ADCY3: variants seen among roughly 807,000 people sequenced by gnomAD.
The protein encoded by ADCY3 is adenylate cyclase type 3.
Under a neutral mutation model 119.4 loss-of-function variants are expected in ADCY3, and 70 were observed. The observed-to-expected ratio is 0.59, with a 90% CI of 0.48 to 0.72. ADCY3 has a LOEUF of 0.72. Among genes scored for constraint, ADCY3 ranks in the 30% least tolerant of loss-of-function variants. The pLI is 0.00. For missense variants in ADCY3, 1,238 were observed against 1,541.6 expected, an observed-to-expected ratio of 0.80 and a Z score of 3.30; for synonymous variants, 672 against 621.4, an observed-to-expected ratio of 1.08 and a Z score of -1.21.
chr2:24,857,156 G>A (rs949347886), intron 3 of ADCY3, among the ~76,000 whole-genome samples: 1 of 152,216 alleles, frequency 6.6e-6, no homozygotes, highest in Admixed American at 6.5e-5. Flanking sequence ...AGCAGGAGAG[G>A]GGACACCGAA....
chr2:24,918,812 G>A lies in ADCY3; in HGVS notation c.176C>T (p.Pro59Leu). ...CTGGTAGAGGTTCTCCAAGGACTCCGGCACGAAAGTCAGCCGCATGAAGCG... is the reference window on the plus strand; with the variant it reads ...CTGGTAGAGGTTCTCCAAGGACTCCAGCACGAAAGTCAGCCGCATGAAGCG... The part of the protein sequence containing the change: ...LPRFMRLTFV[P>L]ESLENLYQTY... Residue 59 changes from proline to leucine, a missense_variant, in exon 2 of 22, where the codon CCG (proline) becomes CTG (leucine). Physicochemically the swap from Pro to Leu is moderately conservative, Grantham distance 98. Transcript: ENST00000679454. The surrounding 1 kb of genome is among the most constrained non-coding windows in gnomAD (Gnocchi z 5.4). 3 of 1,613,786 alleles carry A rather than the reference G, an allele frequency of 1.9e-6. No homozygotes were observed. The highest frequency in any genetic ancestry group is 4.5e-5 in the East Asian group (2 of 44,870).
rs373143590 is a variant in ADCY3, at chr2:24,898,014, T to C, written c.675+20299A>G. Among the ~76,000 whole-genome samples the C allele has an allele frequency of 1.8e-4, 28 of 152,228 alleles. No individual in the cohort carries two copies. The South Asian group carries it at 5.8e-3, about 32-fold the overall frequency. ...TCTACAAAATGGAGTCAGAACTGTC[T>C]CATATGGCTTTTACTCCTCCCCATT... On this transcript the variant is annotated intron_variant, in intron 2 of 21. Transcript: ENST00000679454. This position sits in a 1 kb window ranked among gnomAD's most constrained non-coding sequence, Gnocchi z 4.3.
chr2:24,837,090 A>T, intron 8 of ADCY3, 45 bp from the exon 9 acceptor site: 4 of 1,606,186 alleles, frequency 2.5e-6, no homozygotes, highest in Non-Finnish European at 3.4e-6. Flanking sequence ...ATGGGATGAG[A>T]GTGGCGTGGA....
intron 13 of ADCY3, among the ~76,000 whole-genome samples, chr2:24,830,081 C>A (rs1242278239): frequency 1.7e-4 from 18 of 102,936 alleles, no homozygotes; most frequent in African/African-American, 7.0e-4. Flanking sequence ...CTTGCTGTCG[C>A]CTAGGCTGGA....
chr2:24,831,062 A>T (rs1669427310), intron 12 of ADCY3, among the ~76,000 whole-genome samples: 1 of 152,108 alleles, frequency 6.6e-6, no homozygotes, highest in African/African-American at 2.4e-5. Context: ...TCCAGGTCGC[A>T]GCCCTTTCCA....
At chr2:24,917,520 C>T (rs59117299) in intron 2 of ADCY3, among the ~76,000 whole-genome samples, 13,560 of 152,266 alleles carry the variant, frequency 0.089, 698 homozygotes, top group African/African-American at 0.12. Flanking sequence ...GTCTCTGCAG[C>T]CCCTGAGGGC....
intron 2 of ADCY3, among the ~76,000 whole-genome samples, chr2:24,888,067 C>G (rs375152206): frequency 6.6e-6 from 1 of 152,220 alleles, no homozygotes; most frequent in East Asian, 1.9e-4. Context: ...TTCTAAGGCT[C>G]CATCCTCAAA....
intron 6 of ADCY3, among the ~76,000 whole-genome samples, chr2:24,840,271 C>A (rs1415063822): frequency 6.6e-6 from 1 of 152,240 alleles, no homozygotes; most frequent in Non-Finnish European, 1.5e-5. Flanking sequence ...TCCCCACTTC[C>A]CGAGGGGCCT....
In ADCY3 at chr2:24,841,353, C is replaced by A; in HGVS notation, c.1102G>T (p.Asp368Tyr). The change falls in exon 6 of 22, where the codon GAC becomes TAC. Residue 368 changes from aspartate (D) to tyrosine (Y), a missense_variant. By Grantham distance (160) the Asp-to-Tyr change is radical. This residue lies in a region of ADCY3 where 283 missense variants were observed against 437.2 expected (regional missense o/e 0.65). Coordinates refer to ENST00000679454, the MANE Select transcript of ADCY3 (RefSeq NM_004036.5). This position sits in a 1 kb window ranked among gnomAD's most constrained non-coding sequence, Gnocchi z 5.8. ...YHQLRIKILG[D>Y]CYYCICGLPD... is the part of the protein sequence containing the mutation. ...AAGCCGCAGATGCAGTAGTAGCAGT[C>A]GCCCAGGATCTTAATCCGCAGCTGG... is the stretch of plus-strand genomic sequence containing the variant. 6.2e-6 allele frequency: 10 copies of A among 1,606,106 alleles called. No individual in the cohort carries two copies. The highest frequency in any genetic ancestry group is 3.4e-5 in the South Asian group (3 of 89,140).
chr2:24,875,080 A>ATAGG (rs1350205996), intron 2 of ADCY3, among the ~76,000 whole-genome samples: 6 of 152,198 alleles, frequency 3.9e-5, no homozygotes, highest in Non-Finnish European at 8.8e-5. Context: ...TTCACTCGAT[A>ATAGG]GAGCCTGTCC....
intron 3 of ADCY3, among the ~76,000 whole-genome samples, chr2:24,858,604 A>G (rs1673282404): frequency 6.6e-6 from 1 of 152,260 alleles, no homozygotes; most frequent in South Asian, 2.1e-4. Flanking sequence ...ACAAAACTTC[A>G]TTCTTACAGC....
intron 19 of ADCY3, chr2:24,821,869 A>G: frequency 1.9e-6 from 1 of 536,736 alleles, no homozygotes; most frequent in Non-Finnish European, 3.2e-6. Flanking sequence ...GAGGAGACGG[A>G]CCTGTGAGTC....
chr2:24,860,207 C>T (rs911683664), intron 3 of ADCY3, among the ~76,000 whole-genome samples: 13 of 152,190 alleles, frequency 8.5e-5, no homozygotes, highest in Admixed American at 3.3e-4. Context: ...TTCTGGGTGC[C>T]GCCTGTTGCC....
At chr2:24,843,067 C>T (rs889922695) in intron 3 of ADCY3, among the ~76,000 whole-genome samples, 1 of 152,216 alleles carries the variant, frequency 6.6e-6, no homozygotes, top group Admixed American at 6.5e-5. Flanking sequence ...ACGCTGAGGG[C>T]ACTCCTGTTG....
chr2:24,834,753 G>C lies in ADCY3; in HGVS notation c.1805+41C>G, dbSNP rs750191213. 1 of 1,602,756 alleles carries C rather than the reference G, an allele frequency of 6.2e-7. No individual in the cohort carries two copies. Among genetic ancestry groups the C allele is most frequent in the East Asian group, 2.2e-5 (1 of 44,564 alleles). On this transcript the variant is annotated intron_variant, in intron 10 of 21. Coordinates refer to ENST00000679454, the MANE Select transcript of ADCY3 (RefSeq NM_004036.5). This position sits in a 1 kb window ranked among gnomAD's most constrained non-coding sequence, Gnocchi z 4.2. ...TTTCCTGAATCCCTTGTCAGGGCCC[G>C]GGAGGAGTGGTGGGCCTGGACGCTT...
In ADCY3 at chr2:24,841,239, C is replaced by A; in HGVS notation, c.1196+20G>T. The stretch of plus-strand genomic sequence containing the variant: ...GGGCCCTTGCTCTGGGAGCCTCCCT[C>A]CCAGAGGCATCCCACTTACGAGATG... On this transcript the variant is annotated intron_variant, in intron 6 of 21. Coordinates refer to ENST00000679454, the MANE Select transcript of ADCY3 (RefSeq NM_004036.5). This position sits in a 1 kb window ranked among gnomAD's most constrained non-coding sequence, Gnocchi z 5.8. 1 of 1,545,860 alleles carries A rather than the reference C, an allele frequency of 6.5e-7. No homozygotes were observed. The highest frequency in any genetic ancestry group is 8.7e-7 in the Non-Finnish European group (1 of 1,144,620).
intron 8 of ADCY3, among the ~76,000 whole-genome samples, chr2:24,838,115 T>TC (rs951803262): frequency 2.1e-5 from 3 of 144,188 alleles, no homozygotes; most frequent in Admixed American, 7.1e-5. Context: ...TCCTGTGGCT[T>TC]CACTCACTTC....
intron 20 of ADCY3, chr2:24,821,147 C>T (rs963386267): frequency 9.1e-6 from 4 of 439,752 alleles, no homozygotes; most frequent in Non-Finnish European, 1.6e-5. Context: ...AATGATACCC[C>T]CTCAGTAGAA....
At chr2:24,838,326 A>T in intron 8 of ADCY3, 119 bp downstream of exon 8, 1 of 1,057,952 alleles carries the variant, frequency 9.5e-7, no homozygotes, top group Non-Finnish European at 1.4e-6. Flanking sequence ...CACCTCTCAC[A>T]GCCAGCCACT....
Sources: gnomAD v4.1 joint callset for allele counts (sites outside exome capture counted in the v4.1 genomes callset) on GRCh38, gnomAD v4.1.1 for gene constraint, gnomAD v4.1.1 regional missense constraint, Gnocchi (gnomAD v3.1) non-coding constraint, MANE v1.5 for transcripts, NCBI Gene and HGNC (gene_info 2026-07-23, HGNC 2026-07-21) for gene names.